Variants in XKR9 observed in about 807,000 individuals in gnomAD.
XKR9 encodes XK-related protein 9.
XKR9 carries 32 observed loss-of-function variants against 32.0 expected under a neutral mutation model. The ratio of observed to expected loss-of-function variants is 1.00; its 90% CI spans 0.76 to 1.34. XKR9 has a LOEUF of 1.34. XKR9 is among the 40% of genes most tolerant of loss of function. The pLI is 0.00. For synonymous variants in XKR9, 168 were observed against 143.4 expected (o/e 1.17, Z -1.22); for missense variants, 546 against 429.7 (o/e 1.27, Z -2.39).
chr8:70,988,260 G>A, the XKR9 span, among the ~76,000 whole-genome samples: 1 of 148,830 alleles, frequency 6.7e-6, no homozygotes, highest in Non-Finnish European at 1.5e-5. Flanking sequence ...TTCTTGAGAA[G>A]ATCTCTGTTC....
At chr8:70,792,717 A>G (rs972807932), downstream of XKR9, among the ~76,000 whole-genome samples, 3 of 152,132 alleles carry the variant, frequency 2.0e-5, no homozygotes, top group Admixed American at 6.6e-5. Context: ...GGCTTCAAGG[A>G]GGGAATGGCC....
the XKR9 span, among the ~76,000 whole-genome samples, chr8:71,007,595 T>A: frequency 6.6e-6 from 1 of 150,680 alleles, no homozygotes; most frequent in South Asian, 2.1e-4. Context: ...ATAAAAGGGG[T>A]CAAAGGTGAA....
intron 2 of XKR9, among the ~76,000 whole-genome samples, chr8:70,785,559 GT>G (rs1353483250): frequency 7.8e-6 from 1 of 128,072 alleles, no homozygotes; most frequent in East Asian, 2.0e-4. Flanking sequence ...TTTGGGTTTA[GT>G]TTCTTCTTTT....
intron 2 of XKR9, among the ~76,000 whole-genome samples, chr8:70,677,549 A>T (rs1818925205): frequency 1.3e-5 from 2 of 152,236 alleles, no homozygotes; most frequent in African/African-American, 4.8e-5. Context: ...ATACAATAAT[A>T]ATGTGTATTC....
the XKR9 span, among the ~76,000 whole-genome samples, chr8:70,883,318 C>A: frequency 6.6e-6 from 1 of 152,124 alleles, no homozygotes; most frequent in Non-Finnish European, 1.5e-5. Context: ...CATTCCTTTT[C>A]ATGGCTGAGT....
chr8:70,911,228 A>G, the XKR9 span, among the ~76,000 whole-genome samples: 1 of 152,188 alleles, frequency 6.6e-6, no homozygotes, highest in African/African-American at 2.4e-5. Flanking sequence ...AGCTCAAATT[A>G]CTTGATCTTT....
intron 2 of XKR9, among the ~76,000 whole-genome samples, chr8:70,756,630 A>G (rs1807230099): frequency 1.3e-5 from 2 of 152,210 alleles, no homozygotes; most frequent in Non-Finnish European, 2.9e-5. Context: ...TACTGTGAAT[A>G]GAATTGTTTT....
chr8:70,695,122 G>GTTT (rs1287750856), intron 3 of XKR9, among the ~76,000 whole-genome samples: 1 of 97,872 alleles, frequency 1.0e-5, no homozygotes, highest in African/African-American at 3.3e-5. Flanking sequence ...GTCCTGCCTT[G>GTTT]TTTTTCTTTT....
chr8:70,670,155 G>T (rs1052093588), intron 1 of XKR9, among the ~76,000 whole-genome samples: 1 of 152,194 alleles, frequency 6.6e-6, no homozygotes, highest in African/African-American at 2.4e-5. Flanking sequence ...CAGAGTCTGC[G>T]TGTGCGGCCT....
the XKR9 span, among the ~76,000 whole-genome samples, chr8:70,798,234 TTAA>T: frequency 6.6e-6 from 1 of 152,220 alleles, no homozygotes; most frequent in Admixed American, 6.5e-5. Flanking sequence ...TTTTGACTTT[TTAA>T]TAATATCCAT....
At chr8:70,861,284 A>G in the XKR9 span, among the ~76,000 whole-genome samples, 1 of 152,130 alleles carries the variant, frequency 6.6e-6, no homozygotes. Context: ...GACCTTGGGA[A>G]AATTGCTTAC....
intron 4 of XKR9, among the ~76,000 whole-genome samples, chr8:70,719,778 T>C (rs561950567): frequency 1.3e-5 from 2 of 152,134 alleles, no homozygotes; most frequent in Non-Finnish European, 2.9e-5. Context: ...CTATATGGGC[T>C]TTTTTTAATT....
intron 4 of XKR9, among the ~76,000 whole-genome samples, chr8:70,712,036 C>T (rs1317267302): frequency 2.0e-5 from 3 of 152,094 alleles, no homozygotes; most frequent in Non-Finnish European, 2.9e-5. Context: ...GAAGACTGAA[C>T]GTATTCTTTT....
At position 70,733,945 on chromosome 8, in the gene XKR9, T is replaced by C; in HGVS notation, c.643T>C (p.Ser215Pro). The C allele has an allele frequency of 6.2e-7, 1 of 1,612,930 alleles. No homozygotes were observed. The highest frequency in any genetic ancestry group is 8.5e-7 in the Non-Finnish European group (1 of 1,179,658). The change falls in exon 5 of 5, where the codon TCG (serine) becomes CCG (proline). Residue 215 changes from serine (S) to proline (P), a missense_variant. Coordinates refer to ENST00000408926, the MANE Select transcript of XKR9 (RefSeq NM_001011720.2). Reference sequence around the variant, plus strand: ...CTTTTACAAGTTGTTTACATTATTATCGTGGATGCTGAGTGTTGTACTTCT... The same window carrying C: ...CTTTTACAAGTTGTTTACATTATTACCGTGGATGCTGAGTGTTGTACTTCT... ...YLFYKLFTLL[S>P]WMLSVVLLLF... is the part of the protein sequence containing the mutation.
At chr8:70,883,746 T>C in the XKR9 span, among the ~76,000 whole-genome samples, 1 of 152,274 alleles carries the variant, frequency 6.6e-6, no homozygotes, top group Admixed American at 6.5e-5. Flanking sequence ...AATATTCCAT[T>C]GTCTAGATGT....
chr8:71,022,274 G>A, the XKR9 span, among the ~76,000 whole-genome samples: 1 of 152,028 alleles, frequency 6.6e-6, no homozygotes, highest in Admixed American at 6.6e-5. Context: ...TTTTCTTTCT[G>A]GTATAGGACT....
At chr8:70,832,531 T>G in the XKR9 span, among the ~76,000 whole-genome samples, 1 of 152,182 alleles carries the variant, frequency 6.6e-6, no homozygotes, top group Non-Finnish European at 1.5e-5. Flanking sequence ...GAGAATAAGC[T>G]GAAAAGTGGT....
the XKR9 span, among the ~76,000 whole-genome samples, chr8:71,037,082 T>C: frequency 2.0e-5 from 3 of 152,152 alleles, no homozygotes; most frequent in Non-Finnish European, 2.9e-5. Flanking sequence ...AAAACCATCT[T>C]GTCAGGTGAG....
the XKR9 span, among the ~76,000 whole-genome samples, chr8:71,034,402 G>C: frequency 5.3e-5 from 8 of 152,208 alleles, no homozygotes; most frequent in African/African-American, 1.9e-4. Flanking sequence ...CCCCAGCCAT[G>C]TGGAGCTGTG....
Sources: allele counts gnomAD v4.1 joint callset (sites outside exome capture counted in the v4.1 genomes callset), GRCh38; gene constraint gnomAD v4.1.1; transcripts MANE v1.5; gene names NCBI Gene and HGNC (gene_info 2026-07-23, HGNC 2026-07-21).